The following PHIP variants were observed in gnomAD, a reference collection of about 807,000 sequenced individuals.
The protein encoded by PHIP is PHIP subunit of CUL4-Ring ligase complex.
Under a neutral mutation model 236.8 loss-of-function variants are expected in PHIP, and 54 were observed. That is an observed-to-expected ratio of 0.23 (90% CI 0.18 to 0.29). The LOEUF (loss-of-function observed/expected upper bound fraction) is 0.29, where lower values mean the gene tolerates loss of function less well. Ranked by LOEUF, PHIP falls within the 10% of genes least tolerant of loss-of-function variation. PHIP has a pLI of 1.00. For missense variants in PHIP, 1,370 were observed against 2,190.8 expected (o/e 0.63, Z 7.48); for synonymous variants, 756 against 718.9 (o/e 1.05, Z -0.83).
chr6:79,056,066 C>G (rs1031650903), intron 6 of PHIP, among the ~76,000 whole-genome samples: 1 of 152,096 alleles, frequency 6.6e-6, no homozygotes, highest in Admixed American at 6.6e-5. Context: ...TTTACTAATG[C>G]TGAAGAGTTG....
chr6:78,986,840 T>A (rs1582172189), intron 21 of PHIP, among the ~76,000 whole-genome samples: 1 of 152,210 alleles, frequency 6.6e-6, no homozygotes, highest in Admixed American at 6.5e-5. Flanking sequence ...ACAAAAAGCA[T>A]ATTTTATTAA....
chr6:78,953,037 G>T (rs1766158382), intron 35 of PHIP, among the ~76,000 whole-genome samples: 1 of 150,186 alleles, frequency 6.7e-6, no homozygotes, highest in South Asian at 2.1e-4. Flanking sequence ...CCTTATATAG[G>T]TGTTGTTTTT....
intron 7 of PHIP, among the ~76,000 whole-genome samples, chr6:79,037,281 C>T (rs1373635980): frequency 1.6e-4 from 25 of 152,222 alleles, no homozygotes; most frequent in South Asian, 2.1e-4. Context: ...TGCAGGATGA[C>T]CCAAAACCTA....
intron 24 of PHIP, among the ~76,000 whole-genome samples, chr6:78,972,863 G>A (rs1276260335): frequency 6.6e-6 from 1 of 152,178 alleles, no homozygotes; most frequent in East Asian, 1.9e-4. Context: ...AAGCCTCCAA[G>A]AAATATAGGA....
rs755650996 is a variant in PHIP, at chr6:78,990,855, A to ATTTTG, written c.2319+12_2319+13insCAAAA. ...AGAAGCAAATATTAAACATCAAAATAATTAATATGTACCTTTGAGACAGTG... is the reference window on the plus strand; with the variant it reads ...AGAAGCAAATATTAAACATCAAAATATTTTGATTAATATGTACCTTTGAGACAGTG... On this transcript the variant is annotated intron_variant, in intron 20 of 39. Transcript: ENST00000275034. The ATTTTG allele has an allele frequency of 1.4e-6, 2 of 1,398,346 alleles. No homozygotes were observed. The highest frequency in any genetic ancestry group is 2.0e-6 in the Non-Finnish European group (2 of 1,000,468). 86.6% of individuals were successfully genotyped at this position (1,398,346 alleles called of 1,614,324 possible).
At chr6:79,031,815 A>C (rs1227248514) in intron 7 of PHIP, among the ~76,000 whole-genome samples, 5 of 152,222 alleles carry the variant, frequency 3.3e-5, no homozygotes, top group African/African-American at 1.2e-4. Flanking sequence ...TGGATTTCTT[A>C]CTATAAGCAA....
intron 9 of PHIP, among the ~76,000 whole-genome samples, chr6:79,024,268 A>G (rs1771275407): frequency 6.6e-6 from 1 of 152,220 alleles, no homozygotes; most frequent in South Asian, 2.1e-4. Context: ...AAAATAACAA[A>G]GGCATACATA....
At chr6:79,072,565 T>A (rs1773941871) in intron 4 of PHIP, among the ~76,000 whole-genome samples, 1 of 152,058 alleles carries the variant, frequency 6.6e-6, no homozygotes, top group Non-Finnish European at 1.5e-5. Context: ...TTATTGCAGC[T>A]TCAACCTCCC....
intron 9 of PHIP, among the ~76,000 whole-genome samples, chr6:79,020,065 T>C (rs1172803421): frequency 6.6e-6 from 1 of 152,136 alleles, no homozygotes; most frequent in Non-Finnish European, 1.5e-5. Context: ...ATAACAAATT[T>C]AGAGCAGTTT....
rs544101639 is a variant in PHIP at position 78,972,287 on chromosome 6, G to A, written c.2890-1399C>T. Among the ~76,000 whole-genome samples, 50 of 152,290 alleles carry A rather than the reference G, an allele frequency of 3.3e-4. No homozygotes were observed. In the East Asian group the frequency reaches 7.5e-3, roughly 23 times the overall value. On this transcript the variant is annotated intron_variant, in intron 24 of 39. Coordinates refer to ENST00000275034, the MANE Select transcript of PHIP (RefSeq NM_017934.7). Reference sequence around the variant, plus strand: ...GGGCACACTGACACCTCACACTGCAGGGTACTCCAACAGACCTGCAGCTGA... The same window carrying A: ...GGGCACACTGACACCTCACACTGCAAGGTACTCCAACAGACCTGCAGCTGA...
intron 21 of PHIP, among the ~76,000 whole-genome samples, chr6:78,987,672 C>T (rs1439769079): frequency 6.6e-6 from 1 of 152,068 alleles, no homozygotes; most frequent in East Asian, 1.9e-4. Context: ...TTTATGATTG[C>T]AAATTGATTG....
chr6:78,955,081 T>G, intron 34 of PHIP, 118 bp from the exon 35 acceptor site: 2 of 892,778 alleles, frequency 2.2e-6, no homozygotes, highest in South Asian at 4.0e-5. Context: ...AAGAAAATAT[T>G]CACCAAGTTC....
intron 7 of PHIP, among the ~76,000 whole-genome samples, chr6:79,034,840 T>C (rs1771849443): frequency 6.6e-6 from 1 of 152,200 alleles, no homozygotes; most frequent in South Asian, 2.1e-4. Flanking sequence ...AGTGAAATCA[T>C]GCCCCAAAGA....
chr6:78,979,858 G>A (rs2127716169), intron 23 of PHIP, among the ~76,000 whole-genome samples: 1 of 152,068 alleles, frequency 6.6e-6, no homozygotes, highest in South Asian at 2.1e-4. Flanking sequence ...GCCATAACAT[G>A]ATATCAGAGA....
chr6:79,029,323 A>G (rs1412047858), intron 7 of PHIP, among the ~76,000 whole-genome samples: 2 of 152,188 alleles, frequency 1.3e-5, no homozygotes, highest in South Asian at 2.1e-4. Flanking sequence ...TCTATCTCAT[A>G]TATCATCGCT....
Position 78,941,282 on chromosome 6 carries a change from C to T in PHIP, c.4877G>A (p.Gly1626Asp). Reference protein sequence around the residue: ...ALVPGTIQVNGHGGQPSKLVK... With the variant: ...ALVPGTIQVNDHGGQPSKLVK... ...AAGTTTTGATGGCTGTCCTCCATGG[C>T]CATTTACTTGAATGGTTCCTGGTAC... The change falls in exon 40 of 40, where the codon GGC (glycine) becomes GAC (aspartate). Residue 1626 changes from glycine to aspartate, a missense_variant. Gly to Asp is a moderately conservative substitution (Grantham distance 94). Around this residue, in one of 14 missense-constraint regions of PHIP, gnomAD observed 309 missense variants for 328.3 expected, o/e 0.94. Transcript: ENST00000275034. The T allele has an allele frequency of 1.2e-6, 2 of 1,613,512 alleles. No homozygotes were observed. Among genetic ancestry groups the T allele is most frequent in the Non-Finnish European group, 1.7e-6 (2 of 1,179,500 alleles).
chr6:78,985,410 C>A lies in PHIP; in HGVS notation c.2479G>T (p.Val827Phe), dbSNP rs780891484. The change falls in exon 22 of 40, where the codon GTC (valine) becomes TTC (phenylalanine). Residue 827 changes from valine to phenylalanine, a missense_variant. Val to Phe is a conservative substitution (Grantham distance 50). Transcript: ENST00000275034. ...TCTTCTTCGGATGTTCCACCACTGACAGCAACTACTTCGCCTTCCTAAGAT... is the reference window on the plus strand; with the variant it reads ...TCTTCTTCGGATGTTCCACCACTGAAAGCAACTACTTCGCCTTCCTAAGAT... ...SSSDEGEVVAVSGGTSEEEER... is the reference protein window; with the variant it reads ...SSSDEGEVVAFSGGTSEEEER... 2 of 1,591,316 alleles carry A rather than the reference C, an allele frequency of 1.3e-6. No individual in the cohort carries two copies. The highest frequency in any genetic ancestry group is 3.3e-5 in the Admixed American group (2 of 59,968).
In PHIP at chr6:79,060,504, A is replaced by T; in HGVS notation, c.413T>A (p.Val138Asp). Residue 138 changes from valine to aspartate, a missense_variant, in exon 6 of 40, where the codon GTT becomes GAT. This residue lies in a region of PHIP where 82 missense variants were observed against 203.2 expected (regional missense o/e 0.40). Coordinates refer to ENST00000275034, the MANE Select transcript of PHIP (RefSeq NM_017934.7). ...AATGCTGGGTGGGCTACCATAGTTA[A>T]CTGGTGACTCAGGTGGTCTTCCACA... ...LHCGRPPESPVNYGSPPSIAD... is the reference protein window; with the variant it reads ...LHCGRPPESPDNYGSPPSIAD... 6.2e-7 allele frequency: 1 copy of T among 1,613,630 alleles called. No homozygotes were observed. The highest frequency in any genetic ancestry group is 8.5e-7 in the Non-Finnish European group (1 of 1,179,672).
At chr6:79,063,594 T>G (rs1374874414) in intron 4 of PHIP, among the ~76,000 whole-genome samples, 1 of 152,148 alleles carries the variant, frequency 6.6e-6, no homozygotes, top group African/African-American at 2.4e-5. Flanking sequence ...TTTTTGTATT[T>G]TTAGTAGAGA....
Sources: gnomAD v4.1 joint callset for allele counts (sites outside exome capture counted in the v4.1 genomes callset) on GRCh38, gnomAD v4.1.1 for gene constraint, gnomAD v4.1.1 regional missense constraint, MANE v1.5 for transcripts, NCBI Gene and HGNC (gene_info 2026-07-23, HGNC 2026-07-21) for gene names.